PABPC4L: variants seen among roughly 807,000 people sequenced by gnomAD.
PABPC4L encodes poly(A) binding protein cytoplasmic 4 like, also known as polyadenylate-binding protein 4-like.
For synonymous variants in PABPC4L, 169 were observed against 164.1 expected (o/e 1.03, Z -0.23); for missense variants, 452 against 451.4 (o/e 1.00, Z -0.01).
the PABPC4L span, among the ~76,000 whole-genome samples, chr4:134,045,387 G>A: frequency 1.4e-4 from 21 of 152,268 alleles, no homozygotes; most frequent in African/African-American, 3.9e-4. Flanking sequence ...TGCATAGGAA[G>A]TAATTCCATC....
the PABPC4L span, among the ~76,000 whole-genome samples, chr4:133,982,653 C>T: frequency 6.6e-6 from 1 of 151,936 alleles, no homozygotes; most frequent in East Asian, 1.9e-4. Flanking sequence ...AAAAGTAACT[C>T]ATAATCTCCC....
chr4:134,034,072 G>C, the PABPC4L span, among the ~76,000 whole-genome samples: 5 of 151,876 alleles, frequency 3.3e-5, no homozygotes, highest in Non-Finnish European at 5.9e-5. Context: ...CTTGTTACGA[G>C]AGGTAATCCA....
the PABPC4L span, among the ~76,000 whole-genome samples, chr4:133,967,573 T>C: frequency 6.6e-6 from 1 of 152,184 alleles, no homozygotes; most frequent in Non-Finnish European, 1.5e-5. Context: ...GGACTTTAAA[T>C]AGAAGAAGAG....
the PABPC4L span, among the ~76,000 whole-genome samples, chr4:133,963,871 A>T: frequency 8.5e-5 from 13 of 152,236 alleles, no homozygotes; most frequent in Non-Finnish European, 1.9e-4. Context: ...ACATCAAAAG[A>T]CTGAAAAAGC....
At chr4:134,103,434 C>T in the PABPC4L span, among the ~76,000 whole-genome samples, 1 of 151,586 alleles carries the variant, frequency 6.6e-6, no homozygotes, top group Non-Finnish European at 1.5e-5. Context: ...TCTGAGGCCT[C>T]TCATCTCGTC....
the PABPC4L span, among the ~76,000 whole-genome samples, chr4:133,984,949 T>A: frequency 1.3e-5 from 2 of 151,956 alleles, no homozygotes; most frequent in Admixed American, 1.3e-4. Flanking sequence ...GGACAGCATA[T>A]GCATCTCTGA....
At chr4:134,007,607 A>T in the PABPC4L span, among the ~76,000 whole-genome samples, 4 of 151,634 alleles carry the variant, frequency 2.6e-5, no homozygotes, top group Non-Finnish European at 4.4e-5. Context: ...TCCATATGAG[A>T]TTATACCTCA....
the PABPC4L span, among the ~76,000 whole-genome samples, chr4:133,957,571 C>CT: frequency 2.0e-5 from 3 of 152,186 alleles, no homozygotes; most frequent in Admixed American, 6.5e-5. Context: ...TACAGCCCCA[C>CT]TAGGCAGTGC....
At chr4:134,080,698 G>A in the PABPC4L span, among the ~76,000 whole-genome samples, 57 of 152,248 alleles carry the variant, frequency 3.7e-4, no homozygotes, top group African/African-American at 1.3e-3. Flanking sequence ...AAAAATTATA[G>A]GAAGTGACAC....
chr4:134,169,785 A>G, the PABPC4L span, among the ~76,000 whole-genome samples: 1 of 152,182 alleles, frequency 6.6e-6, no homozygotes, highest in South Asian at 2.1e-4. Flanking sequence ...GAAATTGAAG[A>G]GGACAAAAAA....
At chr4:133,997,339 G>T in the PABPC4L span, among the ~76,000 whole-genome samples, 1 of 151,618 alleles carries the variant, frequency 6.6e-6, no homozygotes, top group African/African-American at 2.4e-5. Flanking sequence ...AAAGGGAAAG[G>T]TTTTTTTTCA....
At chr4:133,950,992 T>C in the PABPC4L span, among the ~76,000 whole-genome samples, 1 of 152,222 alleles carries the variant, frequency 6.6e-6, no homozygotes, top group South Asian at 2.1e-4. Context: ...CTTGGCCTTG[T>C]AGGAGCTTTA....
the PABPC4L span, among the ~76,000 whole-genome samples, chr4:133,965,180 C>A: frequency 1.3e-5 from 2 of 151,966 alleles, no homozygotes; most frequent in African/African-American, 4.8e-5. Context: ...CAATAGTGAC[C>A]AAGCAGCAAA....
chr4:134,086,489 T>G, the PABPC4L span, among the ~76,000 whole-genome samples: 2 of 151,998 alleles, frequency 1.3e-5, no homozygotes, highest in African/African-American at 4.8e-5. Context: ...TTCTTAATAG[T>G]AGAAGATACA....
chr4:134,020,778 T>A, the PABPC4L span, among the ~76,000 whole-genome samples: 7 of 152,262 alleles, frequency 4.6e-5, no homozygotes, highest in Admixed American at 2.6e-4. Context: ...CTAGTGGAAT[T>A]TAAAGATAGA....
At chr4:134,036,293 AT>A in the PABPC4L span, among the ~76,000 whole-genome samples, 14 of 152,168 alleles carry the variant, frequency 9.2e-5, no homozygotes, top group African/African-American at 3.4e-4. Flanking sequence ...ACTATACCTT[AT>A]TTTTAAACAA....
At chr4:133,963,827 G>C in the PABPC4L span, among the ~76,000 whole-genome samples, 2 of 152,090 alleles carry the variant, frequency 1.3e-5, no homozygotes, top group Non-Finnish European at 1.5e-5. Flanking sequence ...AGCAAAGGCA[G>C]TGCTAAGAGG....
the PABPC4L span, among the ~76,000 whole-genome samples, chr4:134,078,214 C>T: frequency 6.6e-6 from 1 of 152,128 alleles, no homozygotes; most frequent in African/African-American, 2.4e-5. Context: ...TTAGTTCACC[C>T]ATGTTCATGC....
chr4:134,020,408 A>T, the PABPC4L span, among the ~76,000 whole-genome samples: 1 of 152,110 alleles, frequency 6.6e-6, no homozygotes. Flanking sequence ...CTTTAAAGCA[A>T]AATTAGGAAT....
Sources: gnomAD v4.1 joint callset for allele counts (sites outside exome capture counted in the v4.1 genomes callset) on GRCh38, gnomAD v4.1.1 for gene constraint, MANE v1.5 for transcripts, NCBI Gene and HGNC (gene_info 2026-07-23, HGNC 2026-07-21) for gene names.